The following ASAP1 variants were observed in gnomAD, a reference collection of about 807,000 sequenced individuals.
ASAP1 encodes the protein ArfGAP with SH3 domain, ankyrin repeat and PH domain 1.
Under a neutral mutation model 145.2 loss-of-function variants are expected in ASAP1, and 43 were observed. That is an observed-to-expected ratio of 0.30 (90% CI 0.23 to 0.38). ASAP1 has a LOEUF of 0.38. Ranked by LOEUF, ASAP1 falls within the 10% of genes least tolerant of loss-of-function variation. ASAP1 has a pLI of 1.00. For missense variants in ASAP1, 1,018 were observed against 1,355.3 expected, an observed-to-expected ratio of 0.75 and a Z score of 3.91; for synonymous variants, 546 against 515.5, an observed-to-expected ratio of 1.06 and a Z score of -0.80.
intron 2 of ASAP1, among the ~76,000 whole-genome samples, chr8:130,371,097 AC>A (rs1827193086): frequency 6.6e-6 from 1 of 152,242 alleles, no homozygotes; most frequent in African/African-American, 2.4e-5. Flanking sequence ...TGGAAGGCAT[AC>A]CTTACCTGTT....
chr8:130,095,004 G>A (rs920193883), intron 24 of ASAP1, among the ~76,000 whole-genome samples: 1 of 152,150 alleles, frequency 6.6e-6, no homozygotes. Context: ...CTGTAGGAGA[G>A]ATTACACCAA....
At chr8:130,419,452 T>C (rs766693652) in intron 1 of ASAP1, among the ~76,000 whole-genome samples, 15 of 152,172 alleles carry the variant, frequency 9.9e-5, no homozygotes, top group Non-Finnish European at 1.9e-4. Flanking sequence ...TTGGATGTTA[T>C]AAGAAAGATG....
Position 130,053,934 on chromosome 8 carries a change from T to C in ASAP1, c.*797A>G, listed in dbSNP as rs1435101832. ...GATTTCAGGTAAGCTTCTAAATGCATGCGTAATGTAGAGGCTAATATTTTC... is the reference window on the plus strand; with the variant it reads ...GATTTCAGGTAAGCTTCTAAATGCACGCGTAATGTAGAGGCTAATATTTTC... On this transcript the variant is annotated 3_prime_UTR_variant, in exon 30 of 30. Coordinates refer to ENST00000518721, the MANE Select transcript of ASAP1 (RefSeq NM_018482.4). 1 of 152,632 alleles carries C rather than the reference T, an allele frequency of 6.6e-6. No homozygotes were observed. Among genetic ancestry groups the C allele is most frequent in the East Asian group, 1.9e-4 (1 of 5,208 alleles). 9.5% of individuals were successfully genotyped at this position (152,632 alleles called of 1,614,324 possible). A position where few individuals can be genotyped will look rare whatever the true frequency, so the allele number is the denominator to read the frequency against.
At position 130,385,550 on chromosome 8, in the gene ASAP1, G is replaced by A. The variant is rs192839986; in HGVS notation, c.59+16335C>T. Among the ~76,000 whole-genome samples, 45 of 152,320 alleles carry A rather than the reference G, an allele frequency of 3.0e-4. 1 individual carries two copies. The highest frequency in any genetic ancestry group is 7.3e-5 in the Non-Finnish European group (5 of 68,034). ...AAGAGAGTCTCAGCTTTTCCGACCC[G>A]TTACATGGGGATGTTTTCTCAGTTA... is the stretch of plus-strand genomic sequence containing the variant. On this transcript the variant is annotated intron_variant, in intron 2 of 29. Transcript: ENST00000518721.
At chr8:130,199,534 T>C (rs1485851306) in intron 5 of ASAP1, among the ~76,000 whole-genome samples, 1 of 152,178 alleles carries the variant, frequency 6.6e-6, no homozygotes, top group Non-Finnish European at 1.5e-5. Context: ...TTAGGCTTTG[T>C]CTGGCAAGAA....
intron 25 of ASAP1, among the ~76,000 whole-genome samples, chr8:130,080,348 C>A (rs1046818627): frequency 2.0e-5 from 3 of 152,132 alleles, no homozygotes; most frequent in Admixed American, 6.5e-5. Flanking sequence ...CCTCTAGTAT[C>A]CAAACTCAGA....
intron 4 of ASAP1, among the ~76,000 whole-genome samples, chr8:130,226,386 T>G (rs1183171545): frequency 6.6e-6 from 1 of 152,206 alleles, no homozygotes; most frequent in African/African-American, 2.4e-5. Context: ...GAGCAAATTA[T>G]TTCACTTCCC....
intron 15 of ASAP1, among the ~76,000 whole-genome samples, chr8:130,132,979 A>C (rs1044678201): frequency 2.0e-5 from 3 of 152,166 alleles, no homozygotes; most frequent in Non-Finnish European, 4.4e-5. Flanking sequence ...AAAGTAAGCG[A>C]GTGGGAGAGA....
At chr8:130,361,049 G>C (rs548631417) in intron 2 of ASAP1, 3 of 155,048 alleles carry the variant, frequency 1.9e-5, no homozygotes, top group African/African-American at 7.2e-5. Flanking sequence ...CTCTAGGCTG[G>C]AAACAATTTC....
At chr8:130,296,753 T>C (rs1822304831) in intron 3 of ASAP1, among the ~76,000 whole-genome samples, 1 of 151,202 alleles carries the variant, frequency 6.6e-6, no homozygotes, top group Non-Finnish European at 1.5e-5. Flanking sequence ...GACTACAGAA[T>C]TAGTTTAAAA....
intron 1 of ASAP1, among the ~76,000 whole-genome samples, chr8:130,437,380 CGAG>C (rs1565315152): frequency 6.6e-6 from 1 of 152,202 alleles, no homozygotes; most frequent in Non-Finnish European, 1.5e-5. Context: ...CTACCATCTA[CGAG>C]ACCCTTGTGC....
At chr8:130,411,613 G>A (rs1005982444) in intron 1 of ASAP1, among the ~76,000 whole-genome samples, 1 of 152,168 alleles carries the variant, frequency 6.6e-6, no homozygotes, top group African/African-American at 2.4e-5. Flanking sequence ...CCCTAAGACA[G>A]GGATGATGAT....
At chr8:130,247,682 G>C (rs1818932571) in intron 3 of ASAP1, among the ~76,000 whole-genome samples, 1 of 152,134 alleles carries the variant, frequency 6.6e-6, no homozygotes, top group Non-Finnish European at 1.5e-5. Flanking sequence ...AGGTCACTGG[G>C]GTTGTGCCAC....
rs568568843 is a variant in ASAP1, at chr8:130,052,556, C to G, written c.*2175G>C. The G allele has an allele frequency of 6.6e-6, 1 of 152,334 alleles. No individual in the cohort carries two copies. Among genetic ancestry groups the G allele is most frequent in the African/African-American group, 2.4e-5 (1 of 41,428 alleles). The allele number at this position is 152,334 out of a possible 1,614,324, so 9.4% of individuals were successfully genotyped here. ...GTATTTCTACTGAGTTTTCCTATGT[C>G]CCACAGTAAGCTGGGTTAGAGAGAA... On this transcript the variant is annotated 3_prime_UTR_variant, in exon 30 of 30. Transcript: ENST00000518721.
At chr8:130,233,691 T>C (rs1209581808) in intron 4 of ASAP1, among the ~76,000 whole-genome samples, 1 of 152,194 alleles carries the variant, frequency 6.6e-6, no homozygotes, top group East Asian at 1.9e-4. Context: ...TCCTAGTTTC[T>C]AGTTATAAAT....
chr8:130,082,586 C>T (rs903498552), intron 25 of ASAP1, among the ~76,000 whole-genome samples: 4 of 151,508 alleles, frequency 2.6e-5, no homozygotes, highest in African/African-American at 7.3e-5. Flanking sequence ...TCACTGCAGC[C>T]TTAAACTCCT....
intron 3 of ASAP1, among the ~76,000 whole-genome samples, chr8:130,350,154 G>A (rs1477467277): frequency 6.6e-6 from 1 of 152,178 alleles, no homozygotes; most frequent in Non-Finnish European, 1.5e-5. Flanking sequence ...CTTAATGACA[G>A]CAGACTGGGC....
chr8:130,426,867 G>T (rs77582488), intron 1 of ASAP1, among the ~76,000 whole-genome samples: 33 of 152,186 alleles, frequency 2.2e-4, no homozygotes, highest in African/African-American at 8.0e-4. Flanking sequence ...CACACCATCC[G>T]TTTCATGTTT....
At chr8:130,133,480 C>A (rs1342442773) in intron 15 of ASAP1, among the ~76,000 whole-genome samples, 2 of 151,612 alleles carry the variant, frequency 1.3e-5, no homozygotes, top group Admixed American at 1.3e-4. Context: ...CAAGGTGAAA[C>A]CCCGTCTCTA....
Sources: allele counts gnomAD v4.1 joint callset (sites outside exome capture counted in the v4.1 genomes callset), GRCh38; gene constraint gnomAD v4.1.1; transcripts MANE v1.5; gene names NCBI Gene and HGNC (gene_info 2026-07-23, HGNC 2026-07-21).